GAREM1: variants seen among roughly 807,000 people sequenced by gnomAD.
GAREM1 encodes the protein GRB2-associated and regulator of MAPK protein 1.
Under a neutral mutation model 71.3 loss-of-function variants are expected in GAREM1, and 26 were observed. That is an observed-to-expected ratio of 0.36 (90% confidence interval 0.27 to 0.51). GAREM1 has a LOEUF of 0.51. GAREM1 is among the 20% of genes least tolerant of loss of function. GAREM1 has a pLI of 0.95. For synonymous variants in GAREM1, 440 were observed against 433.2 expected, an observed-to-expected ratio of 1.02 and a Z score of -0.20; for missense variants, 1,026 against 1,103.1, an observed-to-expected ratio of 0.93 and a Z score of 0.99.
intron 2 of GAREM1, among the ~76,000 whole-genome samples, chr18:32,385,889 A>G (rs1223443790): frequency 6.6e-6 from 1 of 152,234 alleles, no homozygotes; most frequent in African/African-American, 2.4e-5. Flanking sequence ...TTTGTTGTGA[A>G]AGTCACATGA....
At chr18:32,428,446 T>C (rs773349797) in intron 1 of GAREM1, among the ~76,000 whole-genome samples, 3 of 152,088 alleles carry the variant, frequency 2.0e-5, no homozygotes, top group South Asian at 2.1e-4. Context: ...CCCCCTGTGG[T>C]TGGAACAGTG....
intron 1 of GAREM1, among the ~76,000 whole-genome samples, chr18:32,432,592 A>G (rs1193497641): frequency 6.6e-6 from 1 of 152,144 alleles, no homozygotes; most frequent in Non-Finnish European, 1.5e-5. Context: ...TAAATTATCA[A>G]TATTAGAAAA....
At chr18:32,325,226 G>A (rs2047463703) in intron 2 of GAREM1, among the ~76,000 whole-genome samples, 1 of 152,154 alleles carries the variant, frequency 6.6e-6, no homozygotes, top group African/African-American at 2.4e-5. Context: ...CAAAGTGCTG[G>A]GATTACAGGT....
rs555025849 is a variant in GAREM1, at chr18:32,363,657, T to C, written c.262+29238A>G. Among the ~76,000 whole-genome samples, 100 of 152,180 alleles carry C rather than the reference T, an allele frequency of 6.6e-4. 2 individuals carry two copies. The highest frequency in any genetic ancestry group is 6.6e-3 in the Admixed American group (100 of 15,256). ...AGCAAATGTTAGATTAGAAAACGTTTAATGAGTTAAATCAATCCCCTTTCT... is the reference window on the plus strand; with the variant it reads ...AGCAAATGTTAGATTAGAAAACGTTCAATGAGTTAAATCAATCCCCTTTCT... On this transcript the variant is annotated intron_variant, in intron 2 of 5. Coordinates refer to ENST00000269209, the MANE Select transcript of GAREM1 (RefSeq NM_001242409.2).
At chr18:32,345,402 T>A (rs1322718516) in intron 2 of GAREM1, among the ~76,000 whole-genome samples, 4 of 152,180 alleles carry the variant, frequency 2.6e-5, no homozygotes, top group Non-Finnish European at 4.4e-5. Context: ...TGGCAAAAAA[T>A]TTTAATTGAC....
chr18:32,304,484 C>T (rs777920926), intron 3 of GAREM1, among the ~76,000 whole-genome samples: 8 of 152,238 alleles, frequency 5.3e-5, no homozygotes, highest in African/African-American at 1.9e-4. Flanking sequence ...TAATTTTAGG[C>T]TCTATGGGCT....
At position 32,392,913 on chromosome 18, in the gene GAREM1, T is replaced by C; in HGVS notation, c.244A>G (p.Ile82Val). ...GHYVIGPKIE[I>V]PVHYAGQFKL... ...GTCTTACCTGCATAATGTACCGGAA[T>C]CTCTATCTTTGGCCCAATGACATAG... The change falls in exon 2 of 6, where the codon ATT (isoleucine) becomes GTT (valine). Residue 82 changes from isoleucine (I) to valine (V), a missense_variant. By Grantham distance (29) the Ile-to-Val change is conservative (BLOSUM62 3). This residue lies in a region of GAREM1 where 172 missense variants were observed against 175.2 expected (regional missense o/e 0.98). Coordinates refer to ENST00000269209, the MANE Select transcript of GAREM1 (RefSeq NM_001242409.2). 5 of 1,613,812 alleles carry C rather than the reference T, an allele frequency of 3.1e-6. No individual in the cohort carries two copies. Among genetic ancestry groups the C allele is most frequent in the Non-Finnish European group, 4.2e-6 (5 of 1,179,832 alleles).
chr18:32,467,063 G>C (rs776094979), intron 1 of GAREM1, among the ~76,000 whole-genome samples: 3 of 152,128 alleles, frequency 2.0e-5, no homozygotes, highest in Non-Finnish European at 4.4e-5. Flanking sequence ...TTTATATATT[G>C]TGTAGTGAAT....
intron 3 of GAREM1, among the ~76,000 whole-genome samples, chr18:32,297,564 C>T (rs1053281048): frequency 5.9e-5 from 9 of 152,288 alleles, no homozygotes; most frequent in African/African-American, 2.2e-4. Flanking sequence ...TGTGTTGAAG[C>T]CCAAACCACT....
intron 1 of GAREM1, among the ~76,000 whole-genome samples, chr18:32,407,371 T>G (rs1263036510): frequency 6.6e-6 from 1 of 152,214 alleles, no homozygotes; most frequent in Non-Finnish European, 1.5e-5. Flanking sequence ...GAGTGGAGGT[T>G]GCAGTGAGCC....
In GAREM1 at chr18:32,270,238, T is replaced by C. The variant is rs1567941731; in HGVS notation, c.1712A>G (p.Tyr571Cys). Reference sequence around the variant, plus strand: ...TTACATGTTGTGTAGCCCTGAAGAATAGTAGGACAAGGTGGGGCTGGGAGA... The same window carrying C: ...TTACATGTTGTGTAGCCCTGAAGAACAGTAGGACAAGGTGGGGCTGGGAGA... Reference protein sequence around the residue: ...TRSPSPTLSYYSSGLHNISVT... With the variant: ...TRSPSPTLSYCSSGLHNISVT... Residue 571 changes from tyrosine to cysteine, a missense_variant, in exon 5 of 6, where the codon TAT (tyrosine) becomes TGT (cysteine). Tyr to Cys is a radical substitution (Grantham distance 194). Coordinates refer to ENST00000269209, the MANE Select transcript of GAREM1 (RefSeq NM_001242409.2). 6.2e-6 allele frequency: 10 copies of C among 1,613,936 alleles called. No homozygotes were observed. Among genetic ancestry groups the C allele is most frequent in the East Asian group, 2.2e-5 (1 of 44,874 alleles).
intron 1 of GAREM1, among the ~76,000 whole-genome samples, chr18:32,406,297 T>C (rs1475234483): frequency 6.6e-6 from 1 of 152,178 alleles, no homozygotes; most frequent in African/African-American, 2.4e-5. Flanking sequence ...CCCAAAGTGC[T>C]TGGATTACAG....
chr18:32,298,194 A>C (rs1381592481), intron 3 of GAREM1, among the ~76,000 whole-genome samples: 1 of 152,210 alleles, frequency 6.6e-6, no homozygotes, highest in East Asian at 1.9e-4. Context: ...ATGTGAGCAC[A>C]ATCTGTATCC....
At chr18:32,464,505 A>T (rs2048981232) in intron 1 of GAREM1, among the ~76,000 whole-genome samples, 1 of 152,126 alleles carries the variant, frequency 6.6e-6, no homozygotes, top group African/African-American at 2.4e-5. Context: ...AAAAAAGTAA[A>T]GTTCCTTTCC....
chr18:32,279,778 G>C (rs924114899), intron 4 of GAREM1, among the ~76,000 whole-genome samples: 1 of 152,134 alleles, frequency 6.6e-6, no homozygotes, highest in African/African-American at 2.4e-5. Context: ...AAAGGTTGGG[G>C]ACTGTGGCAA....
rs1048057343 is a variant in GAREM1, at chr18:32,263,661, T to C, written c.*4210A>G. 2 of 152,206 alleles carry C rather than the reference T, an allele frequency of 1.3e-5. No homozygotes were observed. Among genetic ancestry groups the C allele is most frequent in the African/African-American group, 2.4e-5 (1 of 41,456 alleles). The allele number at this position is 152,206 out of a possible 1,614,324, so 9.4% of individuals were successfully genotyped here. A position where few individuals can be genotyped will look rare whatever the true frequency, so the allele number is the denominator to read the frequency against. ...GATAACGTTTTGGAAAGTAATGCCA[T>C]TGTTAACTGGTAGTTAACAACCCAA... On this transcript the variant is annotated 3_prime_UTR_variant, in exon 6 of 6. Transcript: ENST00000269209.
Position 32,264,983 on chromosome 18 carries a change from CTG to C in GAREM1, c.*2886_*2887del, listed in dbSNP as rs1441005676. The C allele has an allele frequency of 2.6e-5, 4 of 152,188 alleles. No individual in the cohort carries two copies. The highest frequency in any genetic ancestry group is 9.7e-5 in the African/African-American group (4 of 41,450). 9.4% of individuals were successfully genotyped at this position (152,188 alleles called of 1,614,324 possible). ...CTTGACCTGGCTGGTTAGAAGGGTT[CTG>C]TGTGTGGATCTCTGGGCATCACTTT... is the stretch of plus-strand genomic sequence containing the variant. On this transcript the variant is annotated 3_prime_UTR_variant, in exon 6 of 6. Transcript: ENST00000269209.
intron 1 of GAREM1, among the ~76,000 whole-genome samples, chr18:32,420,149 C>G (rs1299062777): frequency 6.6e-6 from 1 of 152,134 alleles, no homozygotes; most frequent in Admixed American, 6.5e-5. Flanking sequence ...AACAATTTCA[C>G]TTGGCTTTTT....
chr18:32,384,865 A>C (rs1599008620), intron 2 of GAREM1, among the ~76,000 whole-genome samples: 1 of 152,266 alleles, frequency 6.6e-6, no homozygotes, highest in East Asian at 1.9e-4. Context: ...CTTTGTTTTG[A>C]GTTAAAATAT....
Sources: gnomAD v4.1 joint callset for allele counts (sites outside exome capture counted in the v4.1 genomes callset) on GRCh38, gnomAD v4.1.1 for gene constraint, gnomAD v4.1.1 regional missense constraint, MANE v1.5 for transcripts, NCBI Gene and HGNC (gene_info 2026-07-23, HGNC 2026-07-21) for gene names.